The following NRG1 variants were observed in gnomAD, a reference collection of about 807,000 sequenced individuals.
NRG1 encodes the protein pro-neuregulin-1, membrane-bound isoform.
A neutral mutation model predicts 63.8 loss-of-function variants in NRG1; 18 were observed. The observed-to-expected ratio is 0.28, with a 90% confidence interval of 0.19 to 0.42. The LOEUF (loss-of-function observed/expected upper bound fraction) is 0.42. NRG1 is among the 10% of genes least tolerant of loss of function. The probability of loss-of-function intolerance (pLI) is 1.00; values close to 1 mark genes in which losing one functional copy is unlikely to be tolerated. For synonymous variants in NRG1, 302 were observed against 301.3 expected, an observed-to-expected ratio of 1.00 and a Z score of -0.02; for missense variants, 762 against 814.7, an observed-to-expected ratio of 0.94 and a Z score of 0.79.
At chr8:32,748,211 T>C (rs942399532) in intron 7 of NRG1, among the ~76,000 whole-genome samples, 7 of 152,092 alleles carry the variant, frequency 4.6e-5, no homozygotes, top group African/African-American at 1.7e-4. Context: ...TGCCATATCA[T>C]TGAATAGCCC....
At chr8:31,798,371 A>T (rs1263507499) in intron 1 of NRG1, among the ~76,000 whole-genome samples, 1 of 152,216 alleles carries the variant, frequency 6.6e-6, no homozygotes, top group Non-Finnish European at 1.5e-5. Context: ...AAGAGGGAAA[A>T]GTTTCAAAAC....
At chr8:32,006,840 C>G (rs974731650) in intron 1 of NRG1, among the ~76,000 whole-genome samples, 1 of 152,040 alleles carries the variant, frequency 6.6e-6, no homozygotes, top group Non-Finnish European at 1.5e-5. Flanking sequence ...GATAACTTGA[C>G]CAAACCTAGC....
intron 5 of NRG1, among the ~76,000 whole-genome samples, chr8:32,665,119 C>T (rs926047895): frequency 2.0e-5 from 3 of 152,078 alleles, no homozygotes; most frequent in African/African-American, 4.8e-5. Context: ...AACCTCTTTT[C>T]GAGTGTGTGT....
chr8:32,081,512 CA>C (rs1827463902), intron 1 of NRG1, among the ~76,000 whole-genome samples: 1 of 151,964 alleles, frequency 6.6e-6, no homozygotes, highest in South Asian at 2.1e-4. Context: ...AGCCCCAGAA[CA>C]AAGCAAAGGA....
At chr8:31,685,894 T>C (rs923185607) in intron 1 of NRG1, among the ~76,000 whole-genome samples, 16 of 152,198 alleles carry the variant, frequency 1.1e-4, no homozygotes, top group Admixed American at 9.2e-4. Context: ...CTATCCATTC[T>C]TCAGTTAATG....
exon 12 of NRG1, chr8:32,764,431 T>C (rs1225968645): frequency 6.7e-7 from 1 of 1,483,468 alleles, no homozygotes; most frequent in South Asian, 1.4e-5. Context: ...GATTCACCTG[T>C]AAAACTTTAT....
At chr8:31,685,330 G>A (rs1585653636) in intron 1 of NRG1, among the ~76,000 whole-genome samples, 1 of 152,128 alleles carries the variant, frequency 6.6e-6, no homozygotes. Flanking sequence ...ACTACTTGAA[G>A]TATTTATAGT....
At chr8:32,417,554 C>T (rs1000307679) in intron 1 of NRG1, among the ~76,000 whole-genome samples, 1 of 152,124 alleles carries the variant, frequency 6.6e-6, no homozygotes, top group African/African-American at 2.4e-5. Context: ...CCATAGAACA[C>T]TTCAGGAAAT....
chr8:32,111,091 A>G (rs757949341), intron 1 of NRG1, among the ~76,000 whole-genome samples: 8 of 152,098 alleles, frequency 5.3e-5, no homozygotes, highest in African/African-American at 1.9e-4. Context: ...TCCCTAAGGT[A>G]TCATTTTGCT....
intron 1 of NRG1, among the ~76,000 whole-genome samples, chr8:31,858,485 A>G (rs1025329095): frequency 2.6e-5 from 4 of 152,280 alleles, no homozygotes; most frequent in African/African-American, 9.6e-5. Flanking sequence ...AACAACAACA[A>G]ACAATTTCTC....
At chr8:32,117,261 G>A (rs1832858850) in intron 1 of NRG1, among the ~76,000 whole-genome samples, 1 of 152,168 alleles carries the variant, frequency 6.6e-6, no homozygotes, top group Non-Finnish European at 1.5e-5. Flanking sequence ...GAGATATGTA[G>A]TTGTATGACT....
intron 1 of NRG1, among the ~76,000 whole-genome samples, chr8:32,359,237 AG>A (rs1587047288): frequency 6.6e-6 from 1 of 152,208 alleles, no homozygotes; most frequent in Admixed American, 6.6e-5. Context: ...TAATTAGATA[AG>A]GAAAGCATAA....
chr8:32,274,617 C>G (rs1715650865), intron 1 of NRG1, among the ~76,000 whole-genome samples: 1 of 152,172 alleles, frequency 6.6e-6, no homozygotes, highest in African/African-American at 2.4e-5. Context: ...CTACATCTGA[C>G]TGTACTCCAT....
intron 1 of NRG1, among the ~76,000 whole-genome samples, chr8:31,907,634 T>C (rs1031327929): frequency 4.6e-5 from 7 of 152,272 alleles, no homozygotes; most frequent in African/African-American, 1.4e-4. Flanking sequence ...TTTTGTTTGT[T>C]TGTTTTTCCC....
At chr8:31,804,558 T>C (rs1822095705) in intron 1 of NRG1, among the ~76,000 whole-genome samples, 1 of 152,028 alleles carries the variant, frequency 6.6e-6, no homozygotes, top group Admixed American at 6.6e-5. Context: ...CTGTTATATA[T>C]CTCTCTAGAA....
chr8:32,602,720 G>C (rs758326691), intron 2 of NRG1, among the ~76,000 whole-genome samples: 2 of 152,180 alleles, frequency 1.3e-5, no homozygotes, highest in South Asian at 4.1e-4. Context: ...GTGGTTTCAT[G>C]GTTATACATG....
At chr8:31,930,436 A>G (rs1834765745) in intron 1 of NRG1, among the ~76,000 whole-genome samples, 2 of 152,116 alleles carry the variant, frequency 1.3e-5, no homozygotes, top group South Asian at 4.1e-4. Context: ...TGATACAATG[A>G]TTTGGCAAAG....
At chr8:32,030,396 C>T (rs1818080002) in intron 1 of NRG1, 1 of 152,162 alleles carries the variant, frequency 6.6e-6, no homozygotes, top group South Asian at 2.1e-4. Flanking sequence ...AACTTGAAGA[C>T]AAAGAGTAGA....
At chr8:32,478,975 C>A (rs1330075829) in intron 1 of NRG1, among the ~76,000 whole-genome samples, 2 of 152,130 alleles carry the variant, frequency 1.3e-5, no homozygotes, top group African/African-American at 2.4e-5. Flanking sequence ...GCATTGAGTT[C>A]TACTGGGGAA....
Sources: allele counts gnomAD v4.1 joint callset (sites outside exome capture counted in the v4.1 genomes callset), GRCh38; gene constraint gnomAD v4.1.1; transcripts MANE v1.5; gene names NCBI Gene and HGNC (gene_info 2026-07-23, HGNC 2026-07-21).